FRRS1: variants seen among roughly 807,000 people sequenced by gnomAD.
The protein encoded by FRRS1 is ferric reductase 1.
A neutral mutation model predicts 70.7 loss-of-function variants in FRRS1; 51 were observed. The observed-to-expected ratio is 0.72, with a 90% CI of 0.58 to 0.91. The LOEUF (loss-of-function observed/expected upper bound fraction) is 0.91, where lower values mean the gene tolerates loss of function less well. Ranked by LOEUF, FRRS1 falls within the 40% of genes least tolerant of loss-of-function variation. The probability of loss-of-function intolerance (pLI) is 0.00; values close to 1 mark genes in which losing one functional copy is unlikely to be tolerated. For synonymous variants in FRRS1, 225 were observed against 238.7 expected (o/e 0.94, Z 0.53); for missense variants, 672 against 726.0 (o/e 0.93, Z 0.86).
intron 10 of FRRS1, 127 bp downstream of exon 10, chr1:99,719,407 C>CAAAAAAAAAAAAAAAAAAA: frequency 2.8e-6 from 1 of 354,766 alleles, no homozygotes; most frequent in Non-Finnish European, 4.8e-6. Context: ...GACTCCATCT[C>CAAAAAAAAAAAAAAAAAAA]AAAAAAAAAA....
intron 4 of FRRS1, among the ~76,000 whole-genome samples, chr1:99,745,408 G>A (rs1302265151): frequency 9.2e-5 from 14 of 152,192 alleles, no homozygotes; most frequent in Admixed American, 9.2e-4. Context: ...CTTTTGGCCG[G>A]CACGGTGGGT....
intron 13 of FRRS1, 116 bp from the exon 14 acceptor site, chr1:99,712,279 A>C: frequency 1.1e-6 from 1 of 947,958 alleles, no homozygotes; most frequent in East Asian, 2.4e-5. Context: ...TCTGAAATGC[A>C]TTTTAAAGTA....
In FRRS1 at chr1:99,706,250, A is replaced by T. The variant is rs1006365416; in HGVS notation, c.*2778T>A. Among the ~76,000 whole-genome samples, 2 of 151,498 alleles carry T rather than the reference A, an allele frequency of 1.3e-5. No homozygotes were observed. Among genetic ancestry groups the T allele is most frequent in the Admixed American group, 6.6e-5 (1 of 15,220 alleles). ...AAAAAAAAAAAAAAATTTTTTTTTA[A>T]TTAGCTGGCTGTGGTGGTGCACGGA... is the stretch of plus-strand genomic sequence containing the variant. On this transcript the variant is annotated 3_prime_UTR_variant, in exon 17 of 17. Transcript: ENST00000646001.
chr1:99,730,652 G>GATA (rs1557693243), intron 7 of FRRS1, among the ~76,000 whole-genome samples: 107 of 151,892 alleles, frequency 7.0e-4, no homozygotes, highest in Non-Finnish European at 1.3e-3. Context: ...CAGATCACGA[G>GATA]GTCAGGAGAT....
At chr1:99,738,940 T>A (rs1655816228) in intron 6 of FRRS1, among the ~76,000 whole-genome samples, 1 of 151,978 alleles carries the variant, frequency 6.6e-6, no homozygotes, top group African/African-American at 2.4e-5. Flanking sequence ...GAAAAAAAAA[T>A]CAGCTGTATA....
rs1191519256 is a variant in FRRS1, at chr1:99,706,966, T to A, written c.*2062A>T. On this transcript the variant is annotated 3_prime_UTR_variant, in exon 17 of 17. Transcript: ENST00000646001. Reference sequence around the variant, plus strand: ...AAGAGAAATTTATTAACATTTAAGCTCCTTAGTATAGAAAACTGGAGGAAA... The same window carrying A: ...AAGAGAAATTTATTAACATTTAAGCACCTTAGTATAGAAAACTGGAGGAAA... Among the ~76,000 whole-genome samples the A allele has an allele frequency of 6.6e-6, 1 of 152,112 alleles. No homozygotes were observed. The highest frequency in any genetic ancestry group is 6.5e-5 in the Admixed American group (1 of 15,276).
At chr1:99,744,969 C>CAAAA (rs71075450) in intron 4 of FRRS1, among the ~76,000 whole-genome samples, 186 of 91,758 alleles carry the variant, frequency 2.0e-3, no homozygotes, top group Non-Finnish European at 3.1e-3. Flanking sequence ...GACTCCGTCT[C>CAAAA]AAAAAAAAAA....
intron 9 of FRRS1, among the ~76,000 whole-genome samples, chr1:99,721,448 T>C (rs1016967572): frequency 1.3e-5 from 2 of 151,514 alleles, no homozygotes; most frequent in African/African-American, 4.8e-5. Context: ...AGAAGACCAT[T>C]TTATATAAAA....
chr1:99,764,897 G>C (rs924876039), intron 1 of FRRS1, among the ~76,000 whole-genome samples: 1 of 152,110 alleles, frequency 6.6e-6, no homozygotes, highest in African/African-American at 2.4e-5. Context: ...TGAAATAACT[G>C]TTCACTCCAT....
rs1376418339 is a variant in FRRS1, at chr1:99,706,487, C to T, written c.*2541G>A. On this transcript the variant is annotated 3_prime_UTR_variant, in exon 17 of 17. Coordinates refer to ENST00000646001, the MANE Select transcript of FRRS1 (RefSeq NM_001361041.2). ...TAAGTTGGCAAAGACCAAAATAGTGCCAACATATGAAGCACTGAAAAAGAA... is the reference window on the plus strand; with the variant it reads ...TAAGTTGGCAAAGACCAAAATAGTGTCAACATATGAAGCACTGAAAAAGAA... Among the ~76,000 whole-genome samples, 1 of 151,478 alleles carries T rather than the reference C, an allele frequency of 6.6e-6. No individual in the cohort carries two copies. Among genetic ancestry groups the T allele is most frequent in the African/African-American group, 2.4e-5 (1 of 41,286 alleles).
chr1:99,750,349 A>T (rs1024968450), intron 1 of FRRS1, among the ~76,000 whole-genome samples: 37 of 152,242 alleles, frequency 2.4e-4, no homozygotes, highest in Admixed American at 2.4e-3. Flanking sequence ...TTAAGAACAA[A>T]TTACAAGGCA....
At chr1:99,745,840 C>T (rs1656230594) in intron 4 of FRRS1, among the ~76,000 whole-genome samples, 1 of 152,030 alleles carries the variant, frequency 6.6e-6, no homozygotes, top group African/African-American at 2.4e-5. Flanking sequence ...TGCTGTTCCT[C>T]GAGATAGTGA....
At chr1:99,720,842 C>T (rs1264205399) in intron 9 of FRRS1, among the ~76,000 whole-genome samples, 1 of 71,048 alleles carries the variant, frequency 1.4e-5, no homozygotes, top group East Asian at 3.5e-4. Flanking sequence ...CTAACACACA[C>T]ACACACACAC....
chr1:99,743,435 C>A (rs2100972005), intron 4 of FRRS1, among the ~76,000 whole-genome samples: 1 of 152,068 alleles, frequency 6.6e-6, no homozygotes, highest in South Asian at 2.1e-4. Flanking sequence ...AAAACTCAGA[C>A]AAACTGCATA....
chr1:99,723,738 A>C (rs1483407697), intron 9 of FRRS1, among the ~76,000 whole-genome samples: 1 of 152,196 alleles, frequency 6.6e-6, no homozygotes, highest in African/African-American at 2.4e-5. Context: ...TTATTGATAG[A>C]TTTTTAGTAT....
intron 6 of FRRS1, 65 bp from the exon 7 acceptor site, chr1:99,738,333 G>A (rs1183213719): frequency 8.4e-7 from 1 of 1,190,882 alleles, no homozygotes; most frequent in Admixed American, 2.3e-5. Context: ...GGCAATGACA[G>A]AAGAATAACT....
chr1:99,744,106 G>A (rs113779285), intron 4 of FRRS1, among the ~76,000 whole-genome samples: 9 of 151,154 alleles, frequency 6.0e-5, no homozygotes, highest in African/African-American at 1.9e-4. Context: ...AATTCGTAAA[G>A]CTGTCACTGC....
Position 99,708,901 on chromosome 1 carries a change from C to A in FRRS1, c.*127G>T, listed in dbSNP as rs1242628066. On this transcript the variant is annotated 3_prime_UTR_variant, in exon 17 of 17. Transcript: ENST00000646001. ...AAGGCTGGACTTCAGAATTCCTCTACAGACATGACCCCAGTCTTCCAAGTG... is the reference window on the plus strand; with the variant it reads ...AAGGCTGGACTTCAGAATTCCTCTAAAGACATGACCCCAGTCTTCCAAGTG... 6.2e-7 allele frequency: 1 copy of A among 1,609,772 alleles called. No homozygotes were observed. Among genetic ancestry groups the A allele is most frequent in the Non-Finnish European group, 8.5e-7 (1 of 1,176,374 alleles).
In FRRS1 at chr1:99,747,237, G is replaced by T. The variant is rs78283640; in HGVS notation, c.333+57C>A. The T allele has an allele frequency of 7.9e-3, 10,995 of 1,393,478 alleles. 698 individuals are homozygous for T. In the African/African-American group the frequency reaches 0.14, roughly 18 times the overall value. The allele number at this position is 1,393,478 out of a possible 1,614,324, so 86.3% of individuals were successfully genotyped here. A position where few individuals can be genotyped will look rare whatever the true frequency, so the allele number is the denominator to read the frequency against. On this transcript the variant is annotated intron_variant, in intron 4 of 16. Coordinates refer to ENST00000646001, the MANE Select transcript of FRRS1 (RefSeq NM_001361041.2). ...TACACAGATTTCCAATTTCCCCAGG[G>T]GTGGGGTCTGCACCTGTAACCTCCA...
Sources: allele counts gnomAD v4.1 joint callset (sites outside exome capture counted in the v4.1 genomes callset), GRCh38; gene constraint gnomAD v4.1.1; transcripts MANE v1.5; gene names NCBI Gene and HGNC (gene_info 2026-07-23, HGNC 2026-07-21).